XIAP: variants seen among roughly 807,000 people sequenced by gnomAD.
XIAP encodes the protein E3 ubiquitin-protein ligase XIAP.
Under a neutral mutation model 33.1 loss-of-function variants are expected in XIAP, and 3 were observed. The observed-to-expected ratio is 0.09, with a 90% confidence interval of 0.04 to 0.23. The LOEUF (loss-of-function observed/expected upper bound fraction) is 0.23. Ranked by LOEUF, XIAP falls within the 10% of genes least tolerant of loss-of-function variation. The pLI, the probability that XIAP is intolerant of heterozygous loss-of-function variation, is 1.00. For missense variants in XIAP, 264 were observed against 363.0 expected, an observed-to-expected ratio of 0.73 and a Z score of 2.22; for synonymous variants, 98 against 121.3, an observed-to-expected ratio of 0.81 and a Z score of 1.26.
rs1257460500 is a variant in XIAP, at chrX:123,908,084, A to G, written c.*903A>G. 5 of 365,362 alleles carry G rather than the reference A, an allele frequency of 1.4e-5. No individual in the cohort carries two copies. The highest frequency in any genetic ancestry group is 2.6e-5 in the Non-Finnish European group (5 of 192,799). 30.1% of individuals were successfully genotyped at this position (365,362 alleles called of 1,213,427 possible). A position where few individuals can be genotyped will look rare whatever the true frequency, so the allele number is the denominator to read the frequency against. Reference sequence around the variant, plus strand: ...TACTTTTGTAATCAGAATTTTTAGAAAGTATTTTGCTGATTTAAAGGCTTA... The same window carrying G: ...TACTTTTGTAATCAGAATTTTTAGAGAGTATTTTGCTGATTTAAAGGCTTA... On this transcript the variant is annotated 3_prime_UTR_variant, in exon 7 of 7. Transcript: ENST00000371199.
In XIAP at chrX:123,867,040, C is replaced by T. The variant is rs1339735497; in HGVS notation, c.-33+6747C>T. On this transcript the variant is annotated intron_variant, in intron 1 of 6. Transcript: ENST00000371199. ...TATTGTCTACAGGTTGTTTTAATCC[C>T]CCCCCCCCCTTCAACATTCTATAGT... Among the ~76,000 whole-genome samples, 62 of 68,067 alleles carry T rather than the reference C, an allele frequency of 9.1e-4. 2 individuals are homozygous for T. The South Asian group carries it at 0.013, about 14-fold the overall frequency. 59.1% of individuals were successfully genotyped at this position (68,067 alleles called of 115,157 possible). A position where few individuals can be genotyped will look rare whatever the true frequency, so the allele number is the denominator to read the frequency against.
intron 1 of XIAP, among the ~76,000 whole-genome samples, chrX:123,880,170 T>C (rs1020961100): frequency 1.1e-4 from 12 of 108,979 alleles, no homozygotes; most frequent in African/African-American, 2.0e-4. Context: ...CCCAGCACTT[T>C]GGGAGGCCGA....
At chrX:123,905,802 C>T (rs765409555) in intron 6 of XIAP, among the ~76,000 whole-genome samples, 20 of 112,252 alleles carry the variant, frequency 1.8e-4, no homozygotes, top group Non-Finnish European at 9.4e-5. Context: ...ATGCCTTGTA[C>T]ATTTCTAAGA....
intron 1 of XIAP, among the ~76,000 whole-genome samples, chrX:123,880,553 A>G (rs2053291331): frequency 9.2e-6 from 1 of 108,620 alleles, no homozygotes; most frequent in East Asian, 2.9e-4. Flanking sequence ...CCTGGCCAAC[A>G]TGTTGAAACC....
At chrX:123,862,587 G>A (rs902024510) in intron 1 of XIAP, among the ~76,000 whole-genome samples, 5 of 105,976 alleles carry the variant, frequency 4.7e-5, no homozygotes, top group Admixed American at 2.1e-4. Flanking sequence ...GACACCTGAC[G>A]CTGTGGCTCA....
rs1054824684 is a variant in XIAP, at chrX:123,907,618, AT to A, written c.*439del. The A allele has an allele frequency of 1.4e-4, 54 of 374,727 alleles. No homozygotes were observed. The highest frequency in any genetic ancestry group is 2.5e-4 in the Non-Finnish European group (49 of 199,355). The allele number at this position is 374,727 out of a possible 1,213,427, so 30.9% of individuals were successfully genotyped here. The stretch of plus-strand genomic sequence containing the variant: ...TTTGTTTTGTGTGAAAAAGGAATAA[AT>A]TGTTCCATGCTGGTGGAAAGATAGA... On this transcript the variant is annotated 3_prime_UTR_variant, in exon 7 of 7. Transcript: ENST00000371199.
rs374013599 is a variant in XIAP, at chrX:123,912,686, GTTT to G, written c.*5517_*5519del. 2 of 231,576 alleles carry G rather than the reference GTTT, an allele frequency of 8.6e-6. No homozygotes were observed. The highest frequency in any genetic ancestry group is 7.9e-6 in the Non-Finnish European group (1 of 126,030). The allele number at this position is 231,576 out of a possible 1,213,427, so 19.1% of individuals were successfully genotyped here. A position where few individuals can be genotyped will look rare whatever the true frequency, so the allele number is the denominator to read the frequency against. ...TGTGCATACATTATATGCAAATACTGTTTTTTTTTTTTTTAATTTAAACAGTCT... is the reference window on the plus strand; with the variant it reads ...TGTGCATACATTATATGCAAATACTGTTTTTTTTTTTAATTTAAACAGTCT... On this transcript the variant is annotated 3_prime_UTR_variant, in exon 7 of 7. Coordinates refer to ENST00000371199, the MANE Select transcript of XIAP (RefSeq NM_001167.4).
chrX:123,864,455 GTTTTTTTTTTTTT>G (rs1162636021), intron 1 of XIAP, among the ~76,000 whole-genome samples: 4 of 49,596 alleles, frequency 8.1e-5, no homozygotes, highest in Admixed American at 3.1e-4. Flanking sequence ...CCTTTCTTCT[GTTTTTTTTTTTTT>G]TTTTTTTTTT....
At chrX:123,906,696 A>G (rs1056122103) in intron 6 of XIAP, among the ~76,000 whole-genome samples, 5 of 112,185 alleles carry the variant, frequency 4.5e-5, no homozygotes, top group South Asian at 3.7e-4. Flanking sequence ...GCCTTCTCCA[A>G]CTAGCCTGAG....
At position 123,912,258 on chromosome X, in the gene XIAP, ATAATACAAAG is replaced by A; in HGVS notation, c.*5078_*5087del. On this transcript the variant is annotated 3_prime_UTR_variant, in exon 7 of 7. Coordinates refer to ENST00000371199, the MANE Select transcript of XIAP (RefSeq NM_001167.4). ...ACACAATAAAAAAAAAAAATACAAA[ATAATACAAAG>A]AAAAAGCCAAAATTGTCATACTGTT... The A allele has an allele frequency of 3.2e-6, 1 of 311,622 alleles. No individual in the cohort carries two copies. Among genetic ancestry groups the A allele is most frequent in the Non-Finnish European group, 6.0e-6 (1 of 165,520 alleles). 25.7% of individuals were successfully genotyped at this position (311,622 alleles called of 1,213,427 possible). A position where few individuals can be genotyped will look rare whatever the true frequency, so the allele number is the denominator to read the frequency against.
rs113811825 is a variant in XIAP, at chrX:123,864,840, CGTGTGT to C, written c.-33+4562_-33+4567del. Among the ~76,000 whole-genome samples, 163 of 71,545 alleles carry C rather than the reference CGTGTGT, an allele frequency of 2.3e-3. 1 individual carries two copies. The highest frequency in any genetic ancestry group is 6.3e-3 in the East Asian group (12 of 1,908). 62.1% of individuals were successfully genotyped at this position (71,545 alleles called of 115,157 possible). On this transcript the variant is annotated intron_variant, in intron 1 of 6. Coordinates refer to ENST00000371199, the MANE Select transcript of XIAP (RefSeq NM_001167.4). ...TGTTTTAGTAAAGACAGGGTTTCAC[CGTGTGT>C]GTGTGTGTGTGTGTTTTAGTAAAGA...
rs942994049 is a variant in XIAP, at chrX:123,912,640, A to G, written c.*5459A>G. 11 of 321,644 alleles carry G rather than the reference A, an allele frequency of 3.4e-5. No homozygotes were observed. Among genetic ancestry groups the G allele is most frequent in the Non-Finnish European group, 6.0e-5 (10 of 167,857 alleles). 26.5% of individuals were successfully genotyped at this position (321,644 alleles called of 1,213,427 possible). A position where few individuals can be genotyped will look rare whatever the true frequency, so the allele number is the denominator to read the frequency against. On this transcript the variant is annotated 3_prime_UTR_variant, in exon 7 of 7. Coordinates refer to ENST00000371199, the MANE Select transcript of XIAP (RefSeq NM_001167.4). ...ACAGTGCAAGACCTTGTCTCAGAAT[A>G]AATAAAGTATGTGATGAAGATGTGC...
intron 1 of XIAP, among the ~76,000 whole-genome samples, chrX:123,862,857 A>G (rs2053094227): frequency 9.8e-6 from 1 of 102,167 alleles, no homozygotes; most frequent in Non-Finnish European, 2.0e-5. Flanking sequence ...CTTTGTCCCG[A>G]AAAAAAAAAA....
chrX:123,873,194 G>A (rs1207117090), intron 1 of XIAP, among the ~76,000 whole-genome samples: 2 of 109,522 alleles, frequency 1.8e-5, no homozygotes, highest in Non-Finnish European at 3.8e-5. Flanking sequence ...CAGCACGCCC[G>A]GCTAATTTTG....
intron 5 of XIAP, among the ~76,000 whole-genome samples, chrX:123,896,138 C>G (rs1326326464): frequency 1.8e-5 from 2 of 110,476 alleles, no homozygotes; most frequent in African/African-American, 3.3e-5. Flanking sequence ...TACAGTCATG[C>G]TCACTGTGGC....
At chrX:123,876,125 C>A (rs150968391) in intron 1 of XIAP, among the ~76,000 whole-genome samples, 6 of 111,708 alleles carry the variant, frequency 5.4e-5, no homozygotes, top group Non-Finnish European at 9.4e-5. Flanking sequence ...ATTGCCCAGT[C>A]TGGTCTTAAA....
intron 1 of XIAP, among the ~76,000 whole-genome samples, chrX:123,875,516 G>C (rs2053236513): frequency 1.8e-5 from 2 of 111,692 alleles, no homozygotes; most frequent in Non-Finnish European, 3.8e-5. Flanking sequence ...CGTTTTCGTT[G>C]TTGGTAGTAA....
Position 123,908,202 on chromosome X carries a change from T to A in XIAP, c.*1021T>A. On this transcript the variant is annotated 3_prime_UTR_variant, in exon 7 of 7. Coordinates refer to ENST00000371199, the MANE Select transcript of XIAP (RefSeq NM_001167.4). The stretch of plus-strand genomic sequence containing the variant: ...GCAGTTAACCTTTTTGGTGCCAATG[T>A]GAAATGTAAATGATTTTATGTTTTT... 1 of 364,107 alleles carries A rather than the reference T, an allele frequency of 2.7e-6. No homozygotes were observed. The highest frequency in any genetic ancestry group is 5.2e-6 in the Non-Finnish European group (1 of 190,570). 30.0% of individuals were successfully genotyped at this position (364,107 alleles called of 1,213,427 possible). A position where few individuals can be genotyped will look rare whatever the true frequency, so the allele number is the denominator to read the frequency against.
chrX:123,892,103 C>T (rs1369153399), intron 4 of XIAP, among the ~76,000 whole-genome samples: 16 of 111,542 alleles, frequency 1.4e-4, no homozygotes, highest in Non-Finnish European at 2.3e-4. Flanking sequence ...CGGTGGCTCA[C>T]GCCTGTAATC....
Sources: gnomAD v4.1 joint callset for allele counts (sites outside exome capture counted in the v4.1 genomes callset) on GRCh38, gnomAD v4.1.1 for gene constraint, MANE v1.5 for transcripts, NCBI Gene and HGNC (gene_info 2026-07-23, HGNC 2026-07-21) for gene names.